The following PRKCE variants were observed in gnomAD, a reference collection of about 807,000 sequenced individuals.
PRKCE encodes the protein protein kinase C epsilon, also known as protein kinase C epsilon type.
A neutral mutation model predicts 85.4 loss-of-function variants in PRKCE; 16 were observed. That is an observed-to-expected ratio of 0.19 (90% CI 0.13 to 0.28). PRKCE has a LOEUF of 0.28. Among genes scored for constraint, PRKCE ranks in the 10% least tolerant of loss-of-function variants. The pLI is 1.00. For missense variants in PRKCE, 573 were observed against 975.2 expected (o/e 0.59, Z 5.49); for synonymous variants, 388 against 371.5 (o/e 1.04, Z -0.51).
At chr2:46,067,343 C>A (rs1461146910) in intron 10 of PRKCE, among the ~76,000 whole-genome samples, 1 of 152,176 alleles carries the variant, frequency 6.6e-6, no homozygotes, top group Non-Finnish European at 1.5e-5. Flanking sequence ...AAGAATGGTA[C>A]TTAAAGTAGT....
At chr2:45,675,648 A>T (rs191563380) in intron 1 of PRKCE, 4 of 152,272 alleles carry the variant, frequency 2.6e-5, no homozygotes, top group Non-Finnish European at 4.4e-5. Flanking sequence ...CCTTTTCAAC[A>T]TGCCAGGCTG....
chr2:45,933,313 C>CTGAGGAATGTATCAATTTATCAGTTA (rs1699175792), intron 2 of PRKCE, among the ~76,000 whole-genome samples: 1 of 152,138 alleles, frequency 6.6e-6, no homozygotes, highest in Non-Finnish European at 1.5e-5. Flanking sequence ...ACAGAAGTCC[C>CTGAGGAATGTATCAATTTATCAGTTA]TGAGGAATGT....
At chr2:45,834,890 A>G (rs554141625) in intron 1 of PRKCE, among the ~76,000 whole-genome samples, 8 of 152,250 alleles carry the variant, frequency 5.3e-5, no homozygotes, top group Non-Finnish European at 1.0e-4. Context: ...CTTGTTTTAT[A>G]TATGAGGAAG....
At chr2:45,948,372 G>T (rs1235643326) in intron 2 of PRKCE, among the ~76,000 whole-genome samples, 1 of 152,220 alleles carries the variant, frequency 6.6e-6, no homozygotes, top group Non-Finnish European at 1.5e-5. Context: ...GCGTGCAGTG[G>T]CTCATGCCTG....
chr2:46,103,778 ATATT>A (rs992486633), intron 11 of PRKCE, among the ~76,000 whole-genome samples: 20 of 152,330 alleles, frequency 1.3e-4, no homozygotes, highest in African/African-American at 4.8e-4. Flanking sequence ...GAAGAGAAAT[ATATT>A]TATAATTCAT....
intron 1 of PRKCE, among the ~76,000 whole-genome samples, chr2:45,794,944 AGT>A: frequency 6.6e-6 from 1 of 151,100 alleles, no homozygotes; most frequent in Admixed American, 6.6e-5. Context: ...ATGAGAGCAG[AGT>A]GATTCAGACT....
At chr2:45,756,775 A>G (rs1202717468) in intron 1 of PRKCE, among the ~76,000 whole-genome samples, 2 of 152,234 alleles carry the variant, frequency 1.3e-5, no homozygotes, top group African/African-American at 2.4e-5. Flanking sequence ...AAGCTAATCT[A>G]TAAGATAGGA....
At chr2:45,811,974 T>G (rs2105270014) in intron 1 of PRKCE, among the ~76,000 whole-genome samples, 1 of 152,340 alleles carries the variant, frequency 6.6e-6, no homozygotes, top group Non-Finnish European at 1.5e-5. Context: ...TCATTCTTGC[T>G]AGGGGATTCC....
At chr2:46,125,553 A>T (rs1673769831) in intron 11 of PRKCE, among the ~76,000 whole-genome samples, 1 of 152,238 alleles carries the variant, frequency 6.6e-6, no homozygotes, top group Non-Finnish European at 1.5e-5. Context: ...AGATATGGTT[A>T]ACCATACATC....
At chr2:46,151,012 G>A (rs1354516884) in intron 12 of PRKCE, 29 bp from the exon 13 acceptor site, 3 of 1,580,264 alleles carry the variant, frequency 1.9e-6, no homozygotes, top group Middle Eastern at 1.7e-4. Flanking sequence ...GCCTTTGATG[G>A]TGCCTGACAT....
At chr2:45,903,935 A>C (rs1186732535) in intron 2 of PRKCE, among the ~76,000 whole-genome samples, 1 of 141,974 alleles carries the variant, frequency 7.0e-6, no homozygotes, top group South Asian at 2.3e-4. Flanking sequence ...GCAGGGTCTC[A>C]CTCTGTTGCC....
At chr2:46,134,290 G>A (rs1434279420) in intron 11 of PRKCE, among the ~76,000 whole-genome samples, 3 of 152,182 alleles carry the variant, frequency 2.0e-5, no homozygotes, top group Non-Finnish European at 4.4e-5. Flanking sequence ...CCTTGTGGAG[G>A]ATAGACACTC....
intron 10 of PRKCE, among the ~76,000 whole-genome samples, chr2:46,064,718 G>A (rs1667458373): frequency 6.6e-6 from 1 of 152,188 alleles, no homozygotes; most frequent in Non-Finnish European, 1.5e-5. Flanking sequence ...GCCTAAAACT[G>A]GTAACATATA....
intron 10 of PRKCE, among the ~76,000 whole-genome samples, chr2:46,011,131 A>G (rs772462503): frequency 7.2e-4 from 110 of 152,360 alleles, no homozygotes; most frequent in Non-Finnish European, 9.3e-4. Flanking sequence ...TTAGTAAAGA[A>G]ACAGCAATGT....
chr2:45,948,590 G>A (rs928301360), intron 2 of PRKCE, among the ~76,000 whole-genome samples: 1 of 152,210 alleles, frequency 6.6e-6, no homozygotes, highest in Admixed American at 6.5e-5. Context: ...AATGAGCTAT[G>A]CCAGCAGCAC....
chr2:46,053,059 C>A (rs1708956384), intron 10 of PRKCE, among the ~76,000 whole-genome samples: 1 of 152,164 alleles, frequency 6.6e-6, no homozygotes, highest in African/African-American at 2.4e-5. Flanking sequence ...GCCAAGGGAA[C>A]CAGCAGCAGA....
intron 3 of PRKCE, 90 bp from the exon 4 acceptor site, chr2:45,978,886 G>A: frequency 9.4e-7 from 1 of 1,068,004 alleles, no homozygotes; most frequent in Admixed American, 1.7e-5. Flanking sequence ...GTGCTATGTG[G>A]GTGGTGGCCC....
At chr2:46,180,807 G>A (rs1162047165) in intron 14 of PRKCE, among the ~76,000 whole-genome samples, 1 of 152,220 alleles carries the variant, frequency 6.6e-6, no homozygotes, top group Non-Finnish European at 1.5e-5. Context: ...ACGGCTTAAA[G>A]AGGTTAACTT....
chr2:46,098,970 G>A (rs761040751), intron 11 of PRKCE, among the ~76,000 whole-genome samples: 18 of 151,962 alleles, frequency 1.2e-4, no homozygotes, highest in Admixed American at 2.0e-4. Flanking sequence ...AGTGAGCTGA[G>A]GTAGTGGAGA....
Sources: allele counts gnomAD v4.1 joint callset (sites outside exome capture counted in the v4.1 genomes callset), GRCh38; gene constraint gnomAD v4.1.1; transcripts MANE v1.5; gene names NCBI Gene and HGNC (gene_info 2026-07-23, HGNC 2026-07-21).